Variants in SLC39A12 observed in about 807,000 individuals in gnomAD.
SLC39A12 encodes the protein solute carrier family 39 member 12, also known as zinc transporter ZIP12.
In SLC39A12, 63 loss-of-function variants were observed where a neutral mutation model predicts 71.1. That is an observed-to-expected ratio of 0.89 (90% confidence interval 0.72 to 1.09). SLC39A12 has a LOEUF of 1.09. Ranked by LOEUF, SLC39A12 falls within the 50% of genes least tolerant of loss-of-function variation. The pLI is 0.00. For synonymous variants in SLC39A12, 351 were observed against 301.3 expected, an observed-to-expected ratio of 1.16 and a Z score of -1.71; for missense variants, 892 against 812.6, an observed-to-expected ratio of 1.10 and a Z score of -1.19.
chr10:17,973,753 T>C (rs1458969746), intron 4 of SLC39A12, among the ~76,000 whole-genome samples: 1 of 152,136 alleles, frequency 6.6e-6, no homozygotes, highest in East Asian at 1.9e-4. Context: ...ATAACCTTCT[T>C]GTACTTGGAT....
chr10:18,012,175 T>C (rs1186338138), intron 12 of SLC39A12, among the ~76,000 whole-genome samples: 1 of 152,042 alleles, frequency 6.6e-6, no homozygotes, highest in Non-Finnish European at 1.5e-5. Flanking sequence ...GATTCTAAAA[T>C]AGAACATATT....
intron 4 of SLC39A12, among the ~76,000 whole-genome samples, chr10:17,973,481 G>GT (rs2130797461): frequency 6.6e-6 from 1 of 152,132 alleles, no homozygotes; most frequent in South Asian, 2.1e-4. Context: ...TCTCCTTCAT[G>GT]TTTGAAGGAT....
In SLC39A12 at chr10:17,953,386, G is replaced by A. The variant is rs782375717; in HGVS notation, c.110G>A (p.Arg37His). 1.5e-5 allele frequency: 24 copies of A among 1,614,020 alleles called. No individual in the cohort carries two copies. In the African/African-American group the frequency reaches 2.0e-4, roughly 13 times the overall value. ...CCCTCAGCCCAGGATAGCAGAAGCC[G>A]TGGGAGTTCAGGCCAACCGGCAGAC... The part of the protein sequence containing the change: ...DKPSAQDSRS[R>H]GSSGQPADLL... The change falls in exon 2 of 13, where the codon CGT becomes CAT. Residue 37 changes from arginine (R) to histidine (H), a missense_variant. Physicochemically the swap from Arg to His is conservative, Grantham distance 29. Coordinates refer to ENST00000377369, the MANE Select transcript of SLC39A12 (RefSeq NM_001145195.2).
chr10:17,966,123 G>A (rs1185921092), intron 4 of SLC39A12, among the ~76,000 whole-genome samples: 1 of 152,220 alleles, frequency 6.6e-6, no homozygotes, highest in Non-Finnish European at 1.5e-5. Context: ...TAGAAGTAAT[G>A]TGAAATAGCC....
At chr10:17,990,075 T>A (rs1225187262) in intron 7 of SLC39A12, among the ~76,000 whole-genome samples, 8 of 152,144 alleles carry the variant, frequency 5.3e-5, no homozygotes, top group Admixed American at 5.2e-4. Context: ...TTTAGTCAGC[T>A]AAATTTGTTC....
intron 4 of SLC39A12, among the ~76,000 whole-genome samples, chr10:17,977,079 T>C (rs1402484924): frequency 6.6e-6 from 1 of 152,140 alleles, no homozygotes; most frequent in Admixed American, 6.5e-5. Flanking sequence ...TGCTGTTGAG[T>C]TCCTGTAGTG....
chr10:17,991,348 A>G (rs1287550237), intron 8 of SLC39A12, 45 bp downstream of exon 8: 2 of 1,463,674 alleles, frequency 1.4e-6, no homozygotes, highest in Non-Finnish European at 1.8e-6. Flanking sequence ...AAGTCTTATA[A>G]TACATTCATC....
At chr10:17,995,752 A>T in intron 10 of SLC39A12, 30 bp downstream of exon 10, 1 of 1,584,950 alleles carries the variant, frequency 6.3e-7, no homozygotes, top group Non-Finnish European at 8.6e-7. Context: ...TTACATGTGG[A>T]AAGTGCCATA....
At chr10:17,982,479 A>T (rs1389967699) in intron 6 of SLC39A12, among the ~76,000 whole-genome samples, 1 of 152,170 alleles carries the variant, frequency 6.6e-6, no homozygotes, top group African/African-American at 2.4e-5. Flanking sequence ...TGCAATAGCA[A>T]TCATAGCTGA....
At chr10:18,004,754 G>C (rs1204232541) in intron 12 of SLC39A12, among the ~76,000 whole-genome samples, 3 of 151,978 alleles carry the variant, frequency 2.0e-5, no homozygotes, top group Non-Finnish European at 4.4e-5. Flanking sequence ...TATATTCAAA[G>C]GAATATGAAT....
Position 17,993,305 on chromosome 10 carries a change from C to T in SLC39A12, c.1533+14C>T, listed in dbSNP as rs988180804. On this transcript the variant is annotated intron_variant, in intron 9 of 12. Coordinates refer to ENST00000377369, the MANE Select transcript of SLC39A12 (RefSeq NM_001145195.2). The stretch of plus-strand genomic sequence containing the variant: ...ACTATCCAGTTGGTAGGTTCCTGAT[C>T]TGAAGCATTCTACTGATCTGATTAC... The T allele has an allele frequency of 1.4e-6, 2 of 1,468,576 alleles. No individual in the cohort carries two copies. Among genetic ancestry groups the T allele is most frequent in the Non-Finnish European group, 9.3e-7 (1 of 1,071,258 alleles). 91.0% of individuals were successfully genotyped at this position (1,468,576 alleles called of 1,614,324 possible).
chr10:17,966,265 C>T (rs1363651276), intron 4 of SLC39A12, among the ~76,000 whole-genome samples: 2 of 152,118 alleles, frequency 1.3e-5, no homozygotes, highest in Non-Finnish European at 2.9e-5. Flanking sequence ...AATGAAATGA[C>T]TAATTCTTAA....
In SLC39A12 at chr10:17,953,354, A is replaced by G. The variant is rs1834453440; in HGVS notation, c.78A>G (p.Thr26=). 6.2e-7 allele frequency: 1 copy of G among 1,614,144 alleles called. No individual in the cohort carries two copies. The highest frequency in any genetic ancestry group is 8.5e-7 in the Non-Finnish European group (1 of 1,180,012). Residue 26 remains threonine, a synonymous_variant, in exon 2 of 13, where the codon ACA becomes ACG. Transcript: ENST00000377369. ...TCAGCCGTGTTTTTTCTACTGAGAC[A>G]GACAAACCCTCAGCCCAGGATAGCA... is the stretch of plus-strand genomic sequence containing the variant. ...LLLSRVFSTE[T]DKPSAQDSRS...
intron 8 of SLC39A12, among the ~76,000 whole-genome samples, chr10:17,991,898 G>A (rs1589235399): frequency 1.3e-5 from 2 of 152,116 alleles, no homozygotes; most frequent in South Asian, 4.1e-4. Flanking sequence ...AGGCCAGCCT[G>A]GCCAACATAG....
rs1227840601 is a variant in SLC39A12 at position 17,961,629 on chromosome 10, G to A, written c.310G>A (p.Asp104Asn). The A allele has an allele frequency of 3.1e-6, 5 of 1,613,780 alleles. No individual in the cohort carries two copies. The South Asian group carries it at 3.3e-5, about 11-fold the overall frequency. The change falls in exon 3 of 13, where the codon GAT (aspartate) becomes AAT (asparagine). Residue 104 changes from aspartate to asparagine, a missense_variant. Transcript: ENST00000377369. ...LLLIAGGNFE[D>N]QLREEVVQRV... The stretch of plus-strand genomic sequence containing the variant: ...ACTAATAGCTGGAGGAAATTTTGAA[G>A]ATCAGCTTAGAGAAGAAGTGGTCCA...
chr10:17,955,620 T>G (rs968066141), intron 2 of SLC39A12, among the ~76,000 whole-genome samples: 9 of 152,238 alleles, frequency 5.9e-5, no homozygotes, highest in Admixed American at 2.6e-4. Flanking sequence ...TAAGGGGGTT[T>G]CTTCATATCC....
intron 12 of SLC39A12, among the ~76,000 whole-genome samples, chr10:18,036,143 A>G (rs1212334092): frequency 3.3e-5 from 5 of 152,216 alleles, no homozygotes; most frequent in Admixed American, 3.3e-4. Flanking sequence ...CTGCAGTGGC[A>G]GGCAGGCCTC....
intron 12 of SLC39A12, among the ~76,000 whole-genome samples, chr10:18,038,749 A>G (rs1436946829): frequency 1.3e-5 from 2 of 152,248 alleles, no homozygotes; most frequent in Non-Finnish European, 2.9e-5. Flanking sequence ...GCTATAATTT[A>G]CAAGATATTA....
chr10:18,010,120 GT>G (rs1259580378), intron 12 of SLC39A12, among the ~76,000 whole-genome samples: 1 of 152,106 alleles, frequency 6.6e-6, no homozygotes, highest in Non-Finnish European at 1.5e-5. Context: ...GATTTACTGA[GT>G]TTGAATGAGT....
Sources: gnomAD v4.1 joint callset for allele counts (sites outside exome capture counted in the v4.1 genomes callset) on GRCh38, gnomAD v4.1.1 for gene constraint, MANE v1.5 for transcripts, NCBI Gene and HGNC (gene_info 2026-07-23, HGNC 2026-07-21) for gene names.